Variants in PTPRN2 observed in about 807,000 individuals in gnomAD.
PTPRN2 encodes the protein receptor-type tyrosine-protein phosphatase N2.
PTPRN2 carries 74 observed loss-of-function variants against 118.8 expected under a neutral mutation model. That is an observed-to-expected ratio of 0.62 (90% CI 0.52 to 0.76). PTPRN2 has a LOEUF of 0.76. PTPRN2 is among the 30% of genes least tolerant of loss of function. PTPRN2 has a pLI of 0.00. For missense variants in PTPRN2, 1,481 were observed against 1,394.4 expected (o/e 1.06, Z -0.99); for synonymous variants, 641 against 608.0 (o/e 1.05, Z -0.80).
intron 4 of PTPRN2, among the ~76,000 whole-genome samples, chr7:158,203,225 C>CAAAAAAAAAAAAAAAAAAAA (rs56016358): frequency 2.0e-5 from 1 of 50,340 alleles, no homozygotes; most frequent in Non-Finnish European, 3.9e-5. Context: ...AAGCAAGAGC[C>CAAAAAAAAAAAAAAAAAAAA]AAAAAAAAAA....
intron 2 of PTPRN2, among the ~76,000 whole-genome samples, chr7:158,355,315 C>G (rs1808302512): frequency 6.6e-6 from 1 of 152,162 alleles, no homozygotes; most frequent in African/African-American, 2.4e-5. Context: ...AAATTGAGAC[C>G]AATGAATTCG....
At chr7:157,833,368 G>T (rs113389707) in intron 12 of PTPRN2, among the ~76,000 whole-genome samples, 2,616 of 149,710 alleles carry the variant, frequency 0.017, 27 homozygotes, top group South Asian at 0.1. Flanking sequence ...CCATATGATG[G>T]TAAACTCGTC....
intron 2 of PTPRN2, among the ~76,000 whole-genome samples, chr7:158,329,788 T>A (rs922609565): frequency 6.6e-6 from 1 of 152,116 alleles, no homozygotes; most frequent in Non-Finnish European, 1.5e-5. Flanking sequence ...CAACCCAAGA[T>A]CTGTCCACAT....
At chr7:157,687,584 A>G (rs1444246526) in intron 12 of PTPRN2, among the ~76,000 whole-genome samples, 1 of 152,232 alleles carries the variant, frequency 6.6e-6, no homozygotes, top group African/African-American at 2.4e-5. Context: ...TTAAATTACT[A>G]AATTATAAAT....
intron 21 of PTPRN2, among the ~76,000 whole-genome samples, chr7:157,558,179 G>A (rs559250737): frequency 5.3e-5 from 8 of 152,108 alleles, no homozygotes; most frequent in Admixed American, 1.3e-4. Context: ...GGTGCGACGC[G>A]GTGCCCACCG....
At chr7:157,613,544 C>G (rs999583545) in intron 15 of PTPRN2, among the ~76,000 whole-genome samples, 39 of 152,338 alleles carry the variant, frequency 2.6e-4, no homozygotes, top group African/African-American at 9.1e-4. Context: ...TCCTCAGAAG[C>G]CGGCAGGGCG....
intron 2 of PTPRN2, among the ~76,000 whole-genome samples, chr7:158,446,567 G>A (rs993114604): frequency 3.9e-5 from 6 of 152,116 alleles, no homozygotes; most frequent in Non-Finnish European, 8.8e-5. Flanking sequence ...AGCCGCCCCC[G>A]GCGGGCAGAC....
chr7:158,228,075 T>C (rs1828927723), intron 3 of PTPRN2, among the ~76,000 whole-genome samples: 1 of 152,330 alleles, frequency 6.6e-6, no homozygotes, highest in Non-Finnish European at 1.5e-5. Flanking sequence ...TCAAAGGTGG[T>C]AGCATTGTTG....
At chr7:157,982,121 G>C (rs376060193) in intron 11 of PTPRN2, among the ~76,000 whole-genome samples, 1 of 125,746 alleles carries the variant, frequency 8.0e-6, no homozygotes, top group East Asian at 2.4e-4. Context: ...ACAAGGAGGG[G>C]AATGCAGAGT....
chr7:158,118,136 G>T (rs1563458734), intron 9 of PTPRN2, among the ~76,000 whole-genome samples: 1 of 152,076 alleles, frequency 6.6e-6, no homozygotes, highest in South Asian at 2.1e-4. Flanking sequence ...TATAACTTTG[G>T]TTTGTAACTC....
chr7:157,912,229 C>T lies in PTPRN2; in HGVS notation c.1724-13492G>A, dbSNP rs530048280. On this transcript the variant is annotated intron_variant, in intron 11 of 22. Transcript: ENST00000389418. ...ACACTTTGCCGATTTGGTAGATTTA[C>T]GTTGTATCTCCTTGGGCTTCCAATG... Among the ~76,000 whole-genome samples, 21 of 152,316 alleles carry T rather than the reference C, an allele frequency of 1.4e-4. No individual in the cohort carries two copies. The South Asian group carries it at 3.1e-3, about 23-fold the overall frequency.
chr7:158,404,170 C>T (rs1813171725), intron 2 of PTPRN2, among the ~76,000 whole-genome samples: 1 of 152,180 alleles, frequency 6.6e-6, no homozygotes, highest in African/African-American at 2.4e-5. Flanking sequence ...CACACTGTGG[C>T]CCCAAGGCTT....
At chr7:157,916,546 A>G (rs2128766254) in intron 11 of PTPRN2, among the ~76,000 whole-genome samples, 1 of 152,364 alleles carries the variant, frequency 6.6e-6, no homozygotes, top group South Asian at 2.1e-4. Flanking sequence ...AGAAGCACCA[A>G]GACGCATCAT....
At position 157,617,074 on chromosome 7, in the gene PTPRN2, C is replaced by G. The variant is rs938191330; in HGVS notation, c.2344+4288G>C. On this transcript the variant is annotated intron_variant, in intron 15 of 22. Coordinates refer to ENST00000389418, the MANE Select transcript of PTPRN2 (RefSeq NM_002847.5). This position sits in a 1 kb window ranked among gnomAD's most constrained non-coding sequence, Gnocchi z 7.5. ...GCACTGGGGAGTCTGGATTTCAGCTCTGACGGGCGGGCTCTAAACCCCAAA... is the reference window on the plus strand; with the variant it reads ...GCACTGGGGAGTCTGGATTTCAGCTGTGACGGGCGGGCTCTAAACCCCAAA... 1 of 152,304 alleles carries G rather than the reference C, an allele frequency of 6.6e-6. No individual in the cohort carries two copies. The highest frequency in any genetic ancestry group is 1.5e-5 in the Non-Finnish European group (1 of 68,084). 9.4% of individuals were successfully genotyped at this position (152,304 alleles called of 1,614,324 possible).
chr7:157,541,083 G>A (rs1319582444), intron 22 of PTPRN2, among the ~76,000 whole-genome samples: 2 of 152,230 alleles, frequency 1.3e-5, no homozygotes, highest in African/African-American at 2.4e-5. Context: ...CACAGAAGCA[G>A]CGAGAAGGCA....
intron 6 of PTPRN2, among the ~76,000 whole-genome samples, chr7:158,151,669 CTT>C (rs1365104117): frequency 1.4e-4 from 22 of 152,252 alleles, no homozygotes; most frequent in African/African-American, 5.1e-4. Context: ...CTTCTTCCCT[CTT>C]GTTTCCTTTC....
rs1823637726 is a variant in PTPRN2, at chr7:158,517,239, T to C, written c.113-27454A>G. Among the ~76,000 whole-genome samples the C allele has an allele frequency of 6.6e-6, 1 of 152,188 alleles. No homozygotes were observed. Among genetic ancestry groups the C allele is most frequent in the Non-Finnish European group, 1.5e-5 (1 of 68,032 alleles). ...GTTGAGGGCTGCCCCACAGGCTTCC[T>C]CCTCACTTCGGGGGTGCAAGCCTGC... On this transcript the variant is annotated intron_variant, in intron 1 of 22. Transcript: ENST00000389418. This position sits in a 1 kb window ranked among gnomAD's most constrained non-coding sequence, Gnocchi z 5.3.
At chr7:157,613,526 G>A (rs781092606) in intron 15 of PTPRN2, among the ~76,000 whole-genome samples, 22 of 152,178 alleles carry the variant, frequency 1.4e-4, no homozygotes, top group Non-Finnish European at 3.1e-4. Flanking sequence ...AGCAGGGTCC[G>A]GGGCGCGTCC....
At chr7:158,424,166 G>T (rs539935532) in intron 2 of PTPRN2, among the ~76,000 whole-genome samples, 2 of 152,236 alleles carry the variant, frequency 1.3e-5, no homozygotes, top group South Asian at 4.2e-4. Context: ...TACACAAGGC[G>T]CATCCCACAG....
Sources: allele counts gnomAD v4.1 joint callset (sites outside exome capture counted in the v4.1 genomes callset), GRCh38; gene constraint gnomAD v4.1.1; non-coding constraint Gnocchi (gnomAD v3.1); transcripts MANE v1.5; gene names NCBI Gene and HGNC (gene_info 2026-07-23, HGNC 2026-07-21).